PDE7B: variants seen among roughly 807,000 people sequenced by gnomAD.
PDE7B encodes 3',5'-cyclic-AMP phosphodiesterase 7B.
Under a neutral mutation model 56.2 loss-of-function variants are expected in PDE7B, and 29 were observed. The ratio of observed to expected loss-of-function variants is 0.52; its 90% CI spans 0.38 to 0.70. The LOEUF (loss-of-function observed/expected upper bound fraction) is 0.70, where lower values mean the gene tolerates loss of function less well. PDE7B is among the 30% of genes least tolerant of loss of function. The pLI is 0.00. For missense variants in PDE7B, 490 were observed against 565.0 expected (o/e 0.87, Z 1.35); for synonymous variants, 197 against 196.9 (o/e 1.00, Z 0.00).
chr6:135,968,626 T>C (rs1775039752), intron 2 of PDE7B, among the ~76,000 whole-genome samples: 1 of 151,980 alleles, frequency 6.6e-6, no homozygotes, highest in South Asian at 2.1e-4. Context: ...TATTAAAAAG[T>C]CAGGAAACAA....
At position 135,851,759 on chromosome 6, in the gene PDE7B, G is replaced by T. The variant is rs1331818560; in HGVS notation, c.-240G>T. The T allele has an allele frequency of 1.2e-5, 6 of 497,614 alleles. No individual in the cohort carries two copies. The highest frequency in any genetic ancestry group is 1.9e-5 in the African/African-American group (1 of 51,490). The allele number at this position is 497,614 out of a possible 1,614,324, so 30.8% of individuals were successfully genotyped here. A position where few individuals can be genotyped will look rare whatever the true frequency, so the allele number is the denominator to read the frequency against. ...GTCCCAGCACTTGTCTGGGAGAAAAGTGGTGTTACTCACCCAGGGAGAGTC... is the reference window on the plus strand; with the variant it reads ...GTCCCAGCACTTGTCTGGGAGAAAATTGGTGTTACTCACCCAGGGAGAGTC... On this transcript the variant is annotated 5_prime_UTR_variant, in exon 1 of 13. Coordinates refer to ENST00000308191, the MANE Select transcript of PDE7B (RefSeq NM_018945.4).
At chr6:135,931,934 C>T (rs990436503) in intron 1 of PDE7B, among the ~76,000 whole-genome samples, 3 of 111,432 alleles carry the variant, frequency 2.7e-5, no homozygotes, top group African/African-American at 3.9e-5. Flanking sequence ...TTTGTTACCG[C>T]GCACACACAC....
rs117556395 is a variant in PDE7B at position 136,051,404 on chromosome 6, C to T, written c.83-57327C>T. Among the ~76,000 whole-genome samples, 931 of 152,332 alleles carry T rather than the reference C, an allele frequency of 6.1e-3. 2 individuals carry two copies. The highest frequency in any genetic ancestry group is 9.7e-3 in the Non-Finnish European group (660 of 68,024). On this transcript the variant is annotated intron_variant, in intron 2 of 12. Transcript: ENST00000308191. ...CATCCGCGAGTTCTTGAGTGCCAGT[C>T]CAAATACCCACAGTGCATCTTCAAC...
chr6:135,951,086 A>G (rs977224600), intron 2 of PDE7B, among the ~76,000 whole-genome samples: 12 of 152,160 alleles, frequency 7.9e-5, no homozygotes, highest in Non-Finnish European at 1.3e-4. Context: ...TATTCCTTAC[A>G]ATTGTTCAGA....
At chr6:136,056,883 T>G (rs113533956) in intron 2 of PDE7B, among the ~76,000 whole-genome samples, 4,159 of 152,208 alleles carry the variant, frequency 0.027, 177 homozygotes, top group African/African-American at 0.093. Context: ...TTTTTGTTAA[T>G]CTTATGAAAA....
chr6:136,151,279 T>A, intron 6 of PDE7B, 24 bp downstream of exon 6: 1 of 1,229,414 alleles, frequency 8.1e-7, no homozygotes, highest in Non-Finnish European at 1.2e-6. Flanking sequence ...TTCACATTTC[T>A]AGCCCCATTC....
chr6:136,019,096 A>G (rs1273491473), intron 2 of PDE7B, among the ~76,000 whole-genome samples: 1 of 152,088 alleles, frequency 6.6e-6, no homozygotes, highest in Non-Finnish European at 1.5e-5. Context: ...CTTATTTAAC[A>G]TATAATCCTG....
intron 12 of PDE7B, among the ~76,000 whole-genome samples, chr6:136,191,241 C>T (rs1779219907): frequency 1.3e-5 from 2 of 152,198 alleles, no homozygotes; most frequent in Admixed American, 1.3e-4. Flanking sequence ...CAAAGTGACA[C>T]ATCTTATGCT....
intron 2 of PDE7B, among the ~76,000 whole-genome samples, chr6:135,976,686 G>A (rs1775192260): frequency 6.6e-6 from 1 of 152,012 alleles, no homozygotes. Flanking sequence ...GAGGCCCTGT[G>A]ATATCCCTTT....
intron 1 of PDE7B, among the ~76,000 whole-genome samples, chr6:135,874,469 A>G (rs527260142): frequency 3.3e-5 from 5 of 152,272 alleles, no homozygotes; most frequent in African/African-American, 4.8e-5. Context: ...AATGTCTACA[A>G]TTTTATTTCT....
chr6:135,983,315 C>T (rs1775325955), intron 2 of PDE7B, among the ~76,000 whole-genome samples: 1 of 152,100 alleles, frequency 6.6e-6, no homozygotes, highest in South Asian at 2.1e-4. Context: ...AGGGCAGTGA[C>T]CAAAGAGACC....
intron 2 of PDE7B, among the ~76,000 whole-genome samples, chr6:136,010,862 G>C (rs572346771): frequency 7.9e-5 from 12 of 152,260 alleles, no homozygotes; most frequent in Admixed American, 3.9e-4. Context: ...TCAGGACAGA[G>C]AAATAAGTCT....
chr6:136,035,778 G>A (rs1776316632), intron 2 of PDE7B, among the ~76,000 whole-genome samples: 1 of 152,134 alleles, frequency 6.6e-6, no homozygotes, highest in South Asian at 2.1e-4. Context: ...AGATAAAATA[G>A]TACAGAGGAT....
intron 9 of PDE7B, among the ~76,000 whole-genome samples, chr6:136,174,777 T>C (rs1190638291): frequency 6.6e-6 from 1 of 152,180 alleles, no homozygotes; most frequent in Admixed American, 6.5e-5. Context: ...CCCAGAGGAA[T>C]GTGAAATTTG....
intron 1 of PDE7B, among the ~76,000 whole-genome samples, chr6:135,890,127 A>G (rs968573437): frequency 6.6e-6 from 1 of 152,150 alleles, no homozygotes; most frequent in Non-Finnish European, 1.5e-5. Context: ...TGATGTATAT[A>G]ATTATTTTCT....
intron 1 of PDE7B, among the ~76,000 whole-genome samples, chr6:135,918,234 G>C (rs990490929): frequency 6.6e-6 from 1 of 152,056 alleles, no homozygotes; most frequent in African/African-American, 2.4e-5. Context: ...CAGAGAGCTG[G>C]GGCAACTGGA....
At chr6:135,979,661 G>A (rs1291526982) in intron 2 of PDE7B, among the ~76,000 whole-genome samples, 1 of 152,108 alleles carries the variant, frequency 6.6e-6, no homozygotes, top group Non-Finnish European at 1.5e-5. Context: ...CAGACAAACA[G>A]AGAGCCAAAT....
At chr6:135,956,300 A>G (rs1774792350) in intron 2 of PDE7B, among the ~76,000 whole-genome samples, 1 of 152,222 alleles carries the variant, frequency 6.6e-6, no homozygotes, top group Admixed American at 6.5e-5. Context: ...GAGAGTTTCA[A>G]AAGGTGGGGC....
chr6:136,193,442 T>C lies in PDE7B; in HGVS notation c.*1602T>C, dbSNP rs1779261898. 6.6e-6 allele frequency: 1 copy of C among 152,620 alleles called. No homozygotes were observed. Among genetic ancestry groups the C allele is most frequent in the Non-Finnish European group, 1.5e-5 (1 of 68,028 alleles). 9.5% of individuals were successfully genotyped at this position (152,620 alleles called of 1,614,324 possible). A position where few individuals can be genotyped will look rare whatever the true frequency, so the allele number is the denominator to read the frequency against. ...AGGTCATTGTAGTTAATTATGTCTC[T>C]AGCTTGGAGTGTCACCTTGGAATTT... On this transcript the variant is annotated 3_prime_UTR_variant, in exon 13 of 13. Coordinates refer to ENST00000308191, the MANE Select transcript of PDE7B (RefSeq NM_018945.4).
Sources: allele counts gnomAD v4.1 joint callset (sites outside exome capture counted in the v4.1 genomes callset), GRCh38; gene constraint gnomAD v4.1.1; transcripts MANE v1.5; gene names NCBI Gene and HGNC (gene_info 2026-07-23, HGNC 2026-07-21).